Variants in SV2C observed in about 807,000 individuals in gnomAD.
SV2C encodes solute carrier family 22 member B3.
A neutral mutation model predicts 79.7 loss-of-function variants in SV2C; 49 were observed. The ratio of observed to expected loss-of-function variants is 0.61; its 90% CI spans 0.49 to 0.78. SV2C has a LOEUF of 0.78. Ranked by LOEUF, SV2C falls within the 30% of genes least tolerant of loss-of-function variation. The probability of loss-of-function intolerance (pLI) is 0.00; values close to 1 mark genes in which losing one functional copy is unlikely to be tolerated. For missense variants in SV2C, 833 were observed against 912.9 expected, an observed-to-expected ratio of 0.91 and a Z score of 1.13; for synonymous variants, 334 against 333.2, an observed-to-expected ratio of 1.00 and a Z score of -0.03.
intron 4 of SV2C, among the ~76,000 whole-genome samples, chr5:76,262,098 A>G (rs1746488596): frequency 6.6e-6 from 1 of 152,176 alleles, no homozygotes; most frequent in South Asian, 2.1e-4. Context: ...TTGGTAGACT[A>G]TTAATTACTG....
chr5:75,852,040 C>T, the SV2C span, among the ~76,000 whole-genome samples: 1 of 152,098 alleles, frequency 6.6e-6, no homozygotes, highest in African/African-American at 2.4e-5. Context: ...GCAACAGAAG[C>T]ACTGGTGAAG....
chr5:76,171,740 T>G (rs1157491153), intron 2 of SV2C, among the ~76,000 whole-genome samples: 1 of 99,376 alleles, frequency 1.0e-5, no homozygotes, highest in South Asian at 4.2e-4. Context: ...TGGCCAGCCG[T>G]GCCGTCCGGG....
At chr5:75,921,328 G>A in the SV2C span, 9 of 1,197,950 alleles carry the variant, frequency 7.5e-6, no homozygotes, top group Admixed American at 1.7e-5. Context: ...GGCTGGTGGA[G>A]CTCACATCCA....
At position 76,333,432 on chromosome 5, in the gene SV2C, A is replaced by G. The variant is rs1048350021; in HGVS notation, c.*7885A>G. On this transcript the variant is annotated 3_prime_UTR_variant, in exon 13 of 13. Transcript: ENST00000502798. ...TTTCAGGTGAACTTCCATTTTGAACATATGCTAAACGTACTATCCACTGTC... is the reference window on the plus strand; with the variant it reads ...TTTCAGGTGAACTTCCATTTTGAACGTATGCTAAACGTACTATCCACTGTC... The G allele has an allele frequency of 6.6e-6, 1 of 152,230 alleles. No homozygotes were observed. Among genetic ancestry groups the G allele is most frequent in the Admixed American group, 6.5e-5 (1 of 15,288 alleles). The allele number at this position is 152,230 out of a possible 1,614,324, so 9.4% of individuals were successfully genotyped here.
At chr5:76,171,111 C>T (rs1743224811) in intron 2 of SV2C, 1 of 77,604 alleles carries the variant, frequency 1.3e-5, no homozygotes, top group African/African-American at 8.2e-5. Flanking sequence ...GAGCAGCCGC[C>T]TGCCTTGGCC....
intron 1 of SV2C, among the ~76,000 whole-genome samples, chr5:76,098,499 C>A (rs901669357): frequency 4.6e-5 from 7 of 152,210 alleles, no homozygotes; most frequent in African/African-American, 1.7e-4. Flanking sequence ...CTATCTGCGG[C>A]ATGCAGAAGA....
chr5:76,220,533 A>G (rs1241648252), intron 4 of SV2C, among the ~76,000 whole-genome samples: 1 of 149,998 alleles, frequency 6.7e-6, no homozygotes, highest in Non-Finnish European at 1.5e-5. Flanking sequence ...TTAGCTGGGC[A>G]TGGTGTCAGG....
At chr5:75,952,605 T>A in the SV2C span, among the ~76,000 whole-genome samples, 108 of 151,828 alleles carry the variant, frequency 7.1e-4, no homozygotes, top group African/African-American at 2.6e-3. Context: ...TCACACACAA[T>A]CTGGTTGTTT....
the SV2C span, among the ~76,000 whole-genome samples, chr5:75,985,607 G>A: frequency 8.6e-5 from 13 of 151,982 alleles, no homozygotes; most frequent in South Asian, 1.5e-3. Flanking sequence ...AGATGTCCTT[G>A]CTCTAGATGG....
intron 3 of SV2C, among the ~76,000 whole-genome samples, chr5:76,199,430 T>C (rs1227124211): frequency 6.6e-6 from 1 of 152,162 alleles, no homozygotes; most frequent in Non-Finnish European, 1.5e-5. Context: ...CCCAGGGCCC[T>C]CCCACTCACA....
At chr5:75,999,135 C>G in the SV2C span, among the ~76,000 whole-genome samples, 1 of 151,966 alleles carries the variant, frequency 6.6e-6, no homozygotes, top group Non-Finnish European at 1.5e-5. Flanking sequence ...TTCACTATCA[C>G]GAGAACAGCA....
intron 4 of SV2C, among the ~76,000 whole-genome samples, chr5:76,247,900 C>T (rs774265922): frequency 7.2e-5 from 11 of 152,166 alleles, no homozygotes; most frequent in Non-Finnish European, 1.6e-4. Context: ...ATGCAAAAGT[C>T]AGCTCTCAGC....
chr5:76,204,898 A>G lies in SV2C; in HGVS notation c.762-4838A>G, dbSNP rs540219755. 7.9e-5 allele frequency among the ~76,000 whole-genome samples: 12 copies of G among 152,278 alleles called. No individual in the cohort carries two copies. In the South Asian group the frequency reaches 8.3e-4, roughly 11 times the overall value. On this transcript the variant is annotated intron_variant, in intron 3 of 12. Coordinates refer to ENST00000502798, the MANE Select transcript of SV2C (RefSeq NM_014979.4). Reference sequence around the variant, plus strand: ...CACAGTCAGGCTTCCCAGTTTCCCAATGAGGTTTGTGCATACAGGAAGACT... The same window carrying G: ...CACAGTCAGGCTTCCCAGTTTCCCAGTGAGGTTTGTGCATACAGGAAGACT...
intron 4 of SV2C, among the ~76,000 whole-genome samples, chr5:76,248,945 A>G (rs1006977710): frequency 1.3e-5 from 2 of 152,196 alleles, no homozygotes; most frequent in African/African-American, 4.8e-5. Context: ...GAATGACTGA[A>G]TGAAAAGAAT....
At chr5:75,976,599 A>G in the SV2C span, among the ~76,000 whole-genome samples, 1 of 152,090 alleles carries the variant, frequency 6.6e-6, no homozygotes. Flanking sequence ...AACATGACCA[A>G]TTGAAGAATA....
the SV2C span, chr5:75,911,019 C>G: frequency 6.5e-6 from 7 of 1,084,522 alleles, no homozygotes; most frequent in Non-Finnish European, 9.9e-6. Flanking sequence ...ACTAGTCCCT[C>G]TACACTTTCC....
At chr5:76,301,347 A>G in intron 11 of SV2C, 39 bp from the exon 12 acceptor site, 1 of 1,610,146 alleles carries the variant, frequency 6.2e-7, no homozygotes. Flanking sequence ...TACTAAGATG[A>G]CAGGAAACAT....
the SV2C span, among the ~76,000 whole-genome samples, chr5:75,991,393 T>C: frequency 6.6e-6 from 1 of 151,472 alleles, no homozygotes; most frequent in Non-Finnish European, 1.5e-5. Flanking sequence ...GTTTTGCTTT[T>C]GTTTTTGTTT....
the SV2C span, among the ~76,000 whole-genome samples, chr5:75,980,295 G>A: frequency 6.6e-6 from 1 of 152,090 alleles, no homozygotes; most frequent in Non-Finnish European, 1.5e-5. Context: ...AGACAATGAA[G>A]ACTGTACTAT....
Sources: gnomAD v4.1 joint callset for allele counts (sites outside exome capture counted in the v4.1 genomes callset) on GRCh38, gnomAD v4.1.1 for gene constraint, MANE v1.5 for transcripts, NCBI Gene and HGNC (gene_info 2026-07-23, HGNC 2026-07-21) for gene names.